Variants in MARF1 observed in about 807,000 individuals in gnomAD.
MARF1 encodes the protein meiosis regulator and mRNA stability factor 1.
In MARF1, 24 loss-of-function variants were observed where a neutral mutation model predicts 168.2. The ratio of observed to expected loss-of-function variants is 0.14; its 90% CI spans 0.10 to 0.20. MARF1 has a LOEUF of 0.20. Ranked by LOEUF, MARF1 falls within the 10% of genes least tolerant of loss-of-function variation. MARF1 has a pLI of 1.00. For missense variants in MARF1, 1,744 were observed against 2,143.6 expected, an observed-to-expected ratio of 0.81 and a Z score of 3.68; for synonymous variants, 868 against 822.4, an observed-to-expected ratio of 1.06 and a Z score of -0.95.
chr16:15,600,292 C>G (rs2032280761), intron 25 of MARF1, 136 bp downstream of exon 25: 1 of 1,183,334 alleles, frequency 8.5e-7, no homozygotes, highest in Non-Finnish European at 1.2e-6. Flanking sequence ...ACCAAAACTG[C>G]TTTGAAAAAT....
At chr16:15,629,887 C>T (rs1031163704) in intron 7 of MARF1, among the ~76,000 whole-genome samples, 1 of 152,160 alleles carries the variant, frequency 6.6e-6, no homozygotes, top group Non-Finnish European at 1.5e-5. Flanking sequence ...CTCAGAGGCC[C>T]GCTGAAGCTT....
rs1175980371 is a variant in MARF1, at chr16:15,634,870, G to A, written c.893C>T (p.Thr298Ile). 3 of 1,614,092 alleles carry A rather than the reference G, an allele frequency of 1.9e-6. No homozygotes were observed. Among genetic ancestry groups the A allele is most frequent in the Admixed American group, 1.7e-5 (1 of 60,020 alleles). ...KVWPNIPPPN[T>I]QPAPLAVPLC... ...AGGGACAGCAAGAGGTGCAGGTTGA[G>A]TATTTGGAGGTGGTATATTTGGCCA... is the stretch of plus-strand genomic sequence containing the variant. Residue 298 changes from threonine to isoleucine, a missense_variant, in exon 4 of 27, where the codon ACT becomes ATT. This residue lies in a region of MARF1 where 217 missense variants were observed against 372.4 expected (regional missense o/e 0.58). Transcript: ENST00000396368.
chr16:15,617,253 A>G (rs908337481), intron 14 of MARF1, 46 bp downstream of exon 14: 4 of 1,609,466 alleles, frequency 2.5e-6, no homozygotes, highest in Non-Finnish European at 3.4e-6. Context: ...CATGTTCCAC[A>G]ATCTTATAGA....
chr16:15,594,745 G>A lies in MARF1; in HGVS notation c.*1948C>T, dbSNP rs1047738236. On this transcript the variant is annotated 3_prime_UTR_variant, in exon 27 of 27. Coordinates refer to ENST00000396368, the MANE Select transcript of MARF1 (RefSeq NM_014647.4). ...TACATTATGAACACAATGTGCTTCC[G>A]AAGTCTTCTCTCTCATTTTCAGACA... is the stretch of plus-strand genomic sequence containing the variant. 2.6e-5 allele frequency: 4 copies of A among 152,572 alleles called. No individual in the cohort carries two copies. The highest frequency in any genetic ancestry group is 5.9e-5 in the Non-Finnish European group (4 of 68,036). 9.5% of individuals were successfully genotyped at this position (152,572 alleles called of 1,614,324 possible). A position where few individuals can be genotyped will look rare whatever the true frequency, so the allele number is the denominator to read the frequency against.
chr16:15,631,517 A>T lies in MARF1; in HGVS notation c.1234-19T>A. 1.3e-6 allele frequency: 2 copies of T among 1,543,180 alleles called. No individual in the cohort carries two copies. The highest frequency in any genetic ancestry group is 1.8e-6 in the Non-Finnish European group (2 of 1,118,336). Reference sequence around the variant, plus strand: ...CGGTTACCTGCATTAATTTATAATAAGGGTGAATAAGCAGGAGCTGAGGCT... The same window carrying T: ...CGGTTACCTGCATTAATTTATAATATGGGTGAATAAGCAGGAGCTGAGGCT... On this transcript the variant is annotated intron_variant, in intron 5 of 26. Transcript: ENST00000396368.
At chr16:15,622,869 G>GGA in intron 11 of MARF1, 65 bp downstream of exon 11, 1 of 1,324,522 alleles carries the variant, frequency 7.5e-7, no homozygotes. Flanking sequence ...TATCAAATTA[G>GGA]GTCCTCTTGA....
rs182007751 is a variant in MARF1, at chr16:15,611,285, C to T, written c.3618-177G>A. Among the ~76,000 whole-genome samples, 8 of 151,948 alleles carry T rather than the reference C, an allele frequency of 5.3e-5. No homozygotes were observed. In the East Asian group the frequency reaches 7.7e-4, roughly 15 times the overall value. ...CATCCTGGCTAACATGGTGAAACCCCGTCTCTACTAAAAAATAGAAAAAAT... is the reference window on the plus strand; with the variant it reads ...CATCCTGGCTAACATGGTGAAACCCTGTCTCTACTAAAAAATAGAAAAAAT... On this transcript the variant is annotated intron_variant, in intron 18 of 26. Coordinates refer to ENST00000396368, the MANE Select transcript of MARF1 (RefSeq NM_014647.4).
At chr16:15,600,133 T>C (rs979464020) in intron 25 of MARF1, among the ~76,000 whole-genome samples, 1 of 152,166 alleles carries the variant, frequency 6.6e-6, no homozygotes, top group African/African-American at 2.4e-5. Context: ...ATATCCATTA[T>C]AATAAGTGTC....
intron 4 of MARF1, among the ~76,000 whole-genome samples, chr16:15,634,172 AT>A (rs2035434168): frequency 6.6e-6 from 1 of 152,186 alleles, no homozygotes; most frequent in Non-Finnish European, 1.5e-5. Context: ...AACTGACCGG[AT>A]ACTGCAGCTC....
chr16:15,626,145 A>G (rs1049712055), intron 7 of MARF1, among the ~76,000 whole-genome samples: 3 of 152,164 alleles, frequency 2.0e-5, no homozygotes, highest in African/African-American at 7.2e-5. Context: ...AATAAAAAAG[A>G]ATATGCTAGG....
At chr16:15,637,763 T>C (rs2035690530) in intron 2 of MARF1, among the ~76,000 whole-genome samples, 1 of 152,212 alleles carries the variant, frequency 6.6e-6, no homozygotes, top group Admixed American at 6.5e-5. Flanking sequence ...GTCAACTGTC[T>C]CTAAAATAAA....
chr16:15,609,774 T>G (rs1371725424), intron 19 of MARF1, 49 bp from the exon 20 acceptor site: 1 of 1,514,514 alleles, frequency 6.6e-7, no homozygotes, highest in East Asian at 2.3e-5. Context: ...TTCTACCCAT[T>G]TGTGTTCAAC....
Position 15,598,908 on chromosome 16 carries a change from T to C in MARF1, c.4930A>G (p.Ile1644Val), listed in dbSNP as rs766525031. ...PSPQLRPDPV[I>V]LQSADLIQFE... ...TGAATGAGATCAGCAGATTGGAGGATAACGGGGTCTGGTCTCAGCTGAGGG... is the reference window on the plus strand; with the variant it reads ...TGAATGAGATCAGCAGATTGGAGGACAACGGGGTCTGGTCTCAGCTGAGGG... Residue 1644 changes from isoleucine to valine, a missense_variant, in exon 26 of 27, where the codon ATC becomes GTC. Ile to Val is a conservative substitution (Grantham distance 29). Around this residue, in one of 7 missense-constraint regions of MARF1, gnomAD observed 313 missense variants for 337.4 expected, o/e 0.93. Transcript: ENST00000396368. 1 of 1,613,934 alleles carries C rather than the reference T, an allele frequency of 6.2e-7. No individual in the cohort carries two copies. Among genetic ancestry groups the C allele is most frequent in the Non-Finnish European group, 8.5e-7 (1 of 1,179,974 alleles).
chr16:15,634,813 C>T lies in MARF1; in HGVS notation c.950G>A (p.Gly317Glu). 2 of 1,613,996 alleles carry T rather than the reference C, an allele frequency of 1.2e-6. No individual in the cohort carries two copies. The highest frequency in any genetic ancestry group is 1.7e-6 in the Non-Finnish European group (2 of 1,179,926). The change falls in exon 4 of 27, where the codon GGG becomes GAG. Residue 317 changes from glycine to glutamate, a missense_variant. By Grantham distance (98) the Gly-to-Glu change is moderately conservative. This residue lies in a region of MARF1 where 217 missense variants were observed against 372.4 expected (regional missense o/e 0.58). Coordinates refer to ENST00000396368, the MANE Select transcript of MARF1 (RefSeq NM_014647.4). Reference protein sequence around the residue: ...LCNGCGTKGTGKETTLLLATS... With the variant: ...LCNGCGTKGTEKETTLLLATS... ...CGCCAATAACAACGTGGTCTCCTTC[C>T]CTGTTCCTTTGGTTCCACAGCCATT... is the stretch of plus-strand genomic sequence containing the variant.
intron 23 of MARF1, chr16:15,601,356 C>G (rs1382105471): frequency 3.4e-6 from 1 of 291,274 alleles, no homozygotes. Flanking sequence ...GTTCCCTTCT[C>G]CATGCCTGCT....
intron 22 of MARF1, 101 bp from the exon 23 acceptor site, chr16:15,602,304 CGAAGACAAA>C: frequency 1.1e-6 from 1 of 905,626 alleles, no homozygotes. Context: ...GAGTTGAAGA[CGAAGACAAA>C]GAAGAAAAAG....
intron 1 of MARF1, among the ~76,000 whole-genome samples, chr16:15,641,289 T>A (rs138995959): frequency 6.6e-6 from 1 of 152,170 alleles, no homozygotes; most frequent in African/African-American, 2.4e-5. Flanking sequence ...TACTACACAC[T>A]ATTGGGAGTG....
intron 26 of MARF1, 111 bp downstream of exon 26, chr16:15,598,743 C>G (rs1268572816): frequency 9.4e-7 from 1 of 1,067,830 alleles, no homozygotes; most frequent in African/African-American, 1.6e-5. Flanking sequence ...GTGTTTTCCA[C>G]CTGAAAAGGG....
In MARF1 at chr16:15,633,739, T is replaced by C. The variant is rs1185646750; in HGVS notation, c.1111A>G (p.Thr371Ala). The change falls in exon 5 of 27, where the codon ACT becomes GCT. Residue 371 changes from threonine to alanine, a missense_variant. Physicochemically the swap from Thr to Ala is moderately conservative, Grantham distance 58 (BLOSUM62 0). Around this residue, in one of 7 missense-constraint regions of MARF1, gnomAD observed 217 missense variants for 372.4 expected, o/e 0.58. Coordinates refer to ENST00000396368, the MANE Select transcript of MARF1 (RefSeq NM_014647.4). ...NCSVPSGRSA[T>A]AVVQRIREKF... ...TCACGGATTCTTTGCACAACAGCAG[T>C]TGCTGACCGGCCAGAGGGAACGGAG... 1 of 1,614,166 alleles carries C rather than the reference T, an allele frequency of 6.2e-7. No individual in the cohort carries two copies. The highest frequency in any genetic ancestry group is 1.1e-5 in the South Asian group (1 of 91,082).
Sources: gnomAD v4.1 joint callset for allele counts (sites outside exome capture counted in the v4.1 genomes callset) on GRCh38, gnomAD v4.1.1 for gene constraint, gnomAD v4.1.1 regional missense constraint, MANE v1.5 for transcripts, NCBI Gene and HGNC (gene_info 2026-07-23, HGNC 2026-07-21) for gene names.